MGMT: variants seen among roughly 807,000 people sequenced by gnomAD.
The protein encoded by MGMT is methylated-DNA--protein-cysteine methyltransferase.
In MGMT, 14 loss-of-function variants were observed where a neutral mutation model predicts 15.9. The ratio of observed to expected loss-of-function variants is 0.88; its 90% CI spans 0.58 to 1.37. The LOEUF (loss-of-function observed/expected upper bound fraction) is 1.37, where lower values mean the gene tolerates loss of function less well. Ranked by LOEUF, MGMT falls within the 40% of genes most tolerant of loss-of-function variation. The pLI is 0.00. For missense variants in MGMT, 282 were observed against 268.1 expected, an observed-to-expected ratio of 1.05 and a Z score of -0.36; for synonymous variants, 130 against 118.2, an observed-to-expected ratio of 1.10 and a Z score of -0.65.
At chr10:129,604,907 G>T (rs1487248576) in intron 2 of MGMT, among the ~76,000 whole-genome samples, 1 of 152,246 alleles carries the variant, frequency 6.6e-6, no homozygotes, top group Admixed American at 6.5e-5. Context: ...GAGGGGTCAA[G>T]AGAAAAGAAG....
chr10:129,737,252 G>T (rs182140451), intron 3 of MGMT, among the ~76,000 whole-genome samples: 2 of 152,080 alleles, frequency 1.3e-5, no homozygotes, highest in African/African-American at 4.8e-5. Flanking sequence ...GAGGCTGTGC[G>T]CGTTTCTTTT....
intron 3 of MGMT, among the ~76,000 whole-genome samples, chr10:129,730,712 AT>A (rs373951829): frequency 1.3e-5 from 2 of 151,220 alleles, no homozygotes; most frequent in African/African-American, 4.9e-5. Flanking sequence ...CCCTCCTCTG[AT>A]TTTTTTTTGC....
At chr10:129,661,524 A>G (rs1272772529) in intron 2 of MGMT, among the ~76,000 whole-genome samples, 3 of 152,194 alleles carry the variant, frequency 2.0e-5, no homozygotes, top group African/African-American at 7.2e-5. Flanking sequence ...TTATTAGCCA[A>G]TTATATTTTT....
At chr10:129,687,712 T>G (rs1342757200) in intron 2 of MGMT, among the ~76,000 whole-genome samples, 1 of 151,942 alleles carries the variant, frequency 6.6e-6, no homozygotes, top group Non-Finnish European at 1.5e-5. Context: ...TTTTTTTTTT[T>G]TATACTTTAA....
chr10:129,560,714 G>C (rs1846266603), intron 2 of MGMT, among the ~76,000 whole-genome samples: 1 of 152,180 alleles, frequency 6.6e-6, no homozygotes, highest in East Asian at 1.9e-4. Flanking sequence ...CAGTTAACCA[G>C]TGACACATTC....
At chr10:129,757,840 T>G (rs567364426) in intron 3 of MGMT, among the ~76,000 whole-genome samples, 4 of 152,308 alleles carry the variant, frequency 2.6e-5, no homozygotes, top group Admixed American at 1.3e-4. Context: ...AATTGATTCA[T>G]GAATTTTGAA....
chr10:129,742,304 C>T (rs1415537792), intron 3 of MGMT, among the ~76,000 whole-genome samples: 2 of 152,236 alleles, frequency 1.3e-5, no homozygotes, highest in Non-Finnish European at 2.9e-5. Flanking sequence ...CTATGATCTC[C>T]AGTAACTCTA....
intron 1 of MGMT, among the ~76,000 whole-genome samples, chr10:129,516,051 T>C (rs1845734938): frequency 1.3e-5 from 2 of 152,250 alleles, no homozygotes; most frequent in African/African-American, 2.4e-5. Flanking sequence ...AGCCTCACTC[T>C]GTGCTGGTTC....
At chr10:129,511,066 G>A (rs1161911394) in intron 1 of MGMT, among the ~76,000 whole-genome samples, 1 of 147,002 alleles carries the variant, frequency 6.8e-6, no homozygotes. Flanking sequence ...TGCTTCCCAT[G>A]ATGGGAACCC....
chr10:129,610,686 TTCCCTATGATGGCA>T (rs1365335193), intron 2 of MGMT, among the ~76,000 whole-genome samples: 1 of 152,258 alleles, frequency 6.6e-6, no homozygotes. Context: ...TATGGCTGTT[TTCCCTATGATGGCA>T]GAGTTGAATA....
At chr10:129,706,053 T>C (rs1848156769) in intron 2 of MGMT, among the ~76,000 whole-genome samples, 1 of 152,224 alleles carries the variant, frequency 6.6e-6, no homozygotes, top group African/African-American at 2.4e-5. Flanking sequence ...TCAGGGCAGC[T>C]GCGGTGCCTT....
At chr10:129,662,093 AT>A (rs1847604371) in intron 2 of MGMT, among the ~76,000 whole-genome samples, 1 of 152,126 alleles carries the variant, frequency 6.6e-6, no homozygotes. Context: ...GTCCTTTTTC[AT>A]TCTTGTTTGT....
At chr10:129,610,027 G>T (rs962113553) in intron 2 of MGMT, among the ~76,000 whole-genome samples, 1 of 152,156 alleles carries the variant, frequency 6.6e-6, no homozygotes. Context: ...GACACTGAGA[G>T]TTTTTGCTTT....
At chr10:129,663,141 G>T (rs568514499) in intron 2 of MGMT, among the ~76,000 whole-genome samples, 65 of 152,118 alleles carry the variant, frequency 4.3e-4, no homozygotes, top group Admixed American at 9.8e-4. Flanking sequence ...TCAAAAATTA[G>T]GTTATGAAGA....
At chr10:129,528,832 T>C (rs1483868437) in intron 1 of MGMT, among the ~76,000 whole-genome samples, 1 of 152,146 alleles carries the variant, frequency 6.6e-6, no homozygotes, top group African/African-American at 2.4e-5. Context: ...CATCTGACTT[T>C]AGAAAAAGTA....
chr10:129,489,463 C>T (rs1845445976), intron 1 of MGMT, among the ~76,000 whole-genome samples: 1 of 150,886 alleles, frequency 6.6e-6, no homozygotes, highest in Admixed American at 6.6e-5. Flanking sequence ...GGCCTTTGCT[C>T]ATCCATTCGC....
chr10:129,721,833 ATGC>A (rs1848375870), intron 3 of MGMT, among the ~76,000 whole-genome samples: 1 of 151,970 alleles, frequency 6.6e-6, no homozygotes, highest in Non-Finnish European at 1.5e-5. Context: ...GCATATTAGA[ATGC>A]TAAAATGTAA....
intron 3 of MGMT, among the ~76,000 whole-genome samples, chr10:129,757,966 C>T (rs1267206379): frequency 2.0e-5 from 3 of 152,208 alleles, no homozygotes; most frequent in East Asian, 1.9e-4. Context: ...GAAATTATAT[C>T]ATAAAAAACT....
chr10:129,706,967 A>G (rs990084371), intron 2 of MGMT, among the ~76,000 whole-genome samples: 7 of 152,170 alleles, frequency 4.6e-5, no homozygotes, highest in Non-Finnish European at 8.8e-5. Flanking sequence ...GAGAGTGTCC[A>G]GAAAGAACCA....
Sources: gnomAD v4.1 joint callset for allele counts (sites outside exome capture counted in the v4.1 genomes callset) on GRCh38, gnomAD v4.1.1 for gene constraint, MANE v1.5 for transcripts, NCBI Gene and HGNC (gene_info 2026-07-23, HGNC 2026-07-21) for gene names.